Variants in AHI1 observed in about 807,000 individuals in gnomAD.
AHI1 encodes the protein Abelson helper integration site 1.
In AHI1, 123 loss-of-function variants were observed where a neutral mutation model predicts 149.3. That is an observed-to-expected ratio of 0.82 (90% CI 0.71 to 0.96). The LOEUF is 0.96. Among genes scored for constraint, AHI1 ranks in the 40% least tolerant of loss-of-function variants. The pLI, the probability that AHI1 is intolerant of heterozygous loss-of-function variation, is 0.00. For synonymous variants in AHI1, 475 were observed against 459.8 expected, an observed-to-expected ratio of 1.03 and a Z score of -0.42; for missense variants, 1,439 against 1,422.7, an observed-to-expected ratio of 1.01 and a Z score of -0.18.
At chr6:135,393,902 A>C (rs112274070) in intron 23 of AHI1, among the ~76,000 whole-genome samples, 9 of 152,208 alleles carry the variant, frequency 5.9e-5, no homozygotes, top group South Asian at 2.1e-4. Flanking sequence ...AGGGTTGAGC[A>C]TAAGAGTTGT....
At chr6:135,302,833 C>G (rs1377451879) in intron 26 of AHI1, 1 of 1,288,582 alleles carries the variant, frequency 7.8e-7, no homozygotes, top group East Asian at 5.6e-5. Flanking sequence ...AACGAAAAAG[C>G]CCCCAAGGCT....
At chr6:135,324,551 CAT>C (rs3071751) in intron 24 of AHI1, among the ~76,000 whole-genome samples, 1,669 of 144,710 alleles carry the variant, frequency 0.012, 14 homozygotes, top group African/African-American at 0.03. Flanking sequence ...GTTATATATA[CAT>C]ATATATATAT....
chr6:135,371,942 T>A (rs1050370776), intron 23 of AHI1, among the ~76,000 whole-genome samples: 2 of 152,228 alleles, frequency 1.3e-5, no homozygotes, highest in Admixed American at 1.3e-4. Context: ...CAGCAGAAGC[T>A]ATAAATCCCC....
rs538504347 is a variant in AHI1 at position 135,376,961 on chromosome 6, C to A, written c.3109+17815G>T. Among the ~76,000 whole-genome samples, 21 of 120,846 alleles carry A rather than the reference C, an allele frequency of 1.7e-4. 1 individual carries two copies. The Admixed American group carries it at 1.8e-3, about 10-fold the overall frequency. 79.3% of individuals were successfully genotyped at this position (120,846 alleles called of 152,430 possible). ...ACTCAAAAGTCAATGTCATAACAAC[C>A]AAAGAAAGATTCTAGATTAACTGAT... is the stretch of plus-strand genomic sequence containing the variant. On this transcript the variant is annotated intron_variant, in intron 23 of 28. Transcript: ENST00000265602.
rs367875262 is a variant in AHI1 at position 135,427,170 on chromosome 6, G to A, written c.2761C>T (p.His921Tyr). 3.4e-5 allele frequency: 54 copies of A among 1,608,994 alleles called. No homozygotes were observed. Among genetic ancestry groups the A allele is most frequent in the Non-Finnish European group, 3.2e-5 (38 of 1,176,936 alleles). The change falls in exon 20 of 29, where the codon CAT (histidine) becomes TAT (tyrosine). Residue 921 changes from histidine (H) to tyrosine (Y), a missense_variant. By Grantham distance (83) the His-to-Tyr change is moderately conservative (BLOSUM62 2). Coordinates refer to ENST00000265602, the MANE Select transcript of AHI1 (RefSeq NM_001134831.2). ...EPILLYIYDF[H>Y]VAQQEAEMFK... ...ACTTATCAAGTGGTAGACTTACCAT[G>A]GAAATCGTAAATATACAGAAGAATT...
intron 6 of AHI1, 36 bp from the exon 7 acceptor site, chr6:135,466,409 AC>A (rs778849099): frequency 6.5e-7 from 1 of 1,540,184 alleles, no homozygotes; most frequent in South Asian, 1.2e-5. Context: ...AGTTTCAGTT[AC>A]ACATAGATTA....
intron 5 of AHI1, among the ~76,000 whole-genome samples, chr6:135,487,179 A>T (rs1794597563): frequency 6.6e-6 from 1 of 152,128 alleles, no homozygotes. Context: ...ATTTCATTAC[A>T]TTCTTTTAAA....
intron 20 of AHI1, among the ~76,000 whole-genome samples, chr6:135,421,881 C>T (rs566784532): frequency 1.1e-4 from 17 of 152,084 alleles, no homozygotes; most frequent in Non-Finnish European, 2.2e-4. Context: ...TTTAATTTCT[C>T]CTACCAGGCT....
At position 135,429,942 on chromosome 6, in the gene AHI1, T is replaced by C. The variant is rs375584168; in HGVS notation, c.2432A>G (p.Asn811Ser). The C allele has an allele frequency of 2.4e-5, 38 of 1,591,292 alleles. No homozygotes were observed. The highest frequency in any genetic ancestry group is 2.8e-5 in the Non-Finnish European group (33 of 1,167,416). Reference sequence around the variant, plus strand: ...GGTATGGATTAACAAACGTTTTCCATTGGGATGAATCTCCAAATAACTTAT... The same window carrying C: ...GGTATGGATTAACAAACGTTTTCCACTGGGATGAATCTCCAAATAACTTAT... ...IPISYLEIHP[N>S]GKRLLIHTKD... The change falls in exon 18 of 29, where the codon AAT becomes AGT. Residue 811 changes from asparagine (N) to serine (S), a missense_variant. Coordinates refer to ENST00000265602, the MANE Select transcript of AHI1 (RefSeq NM_001134831.2).
chr6:135,415,930 C>G (rs559961197), intron 20 of AHI1, among the ~76,000 whole-genome samples: 1 of 152,228 alleles, frequency 6.6e-6, no homozygotes, highest in South Asian at 2.1e-4. Context: ...TACAGTTTCA[C>G]TTATATACAA....
At chr6:135,325,174 C>T (rs1787470025) in intron 24 of AHI1, among the ~76,000 whole-genome samples, 1 of 151,968 alleles carries the variant, frequency 6.6e-6, no homozygotes, top group Non-Finnish European at 1.5e-5. Flanking sequence ...TTACAGGCGC[C>T]CACCACCGCG....
intron 5 of AHI1, chr6:135,490,359 G>A (rs1400500868): frequency 1.5e-6 from 1 of 655,156 alleles, no homozygotes; most frequent in East Asian, 2.7e-5. Context: ...ATCATGGCTA[G>A]TTTTGAGTTT....
chr6:135,459,182 A>G (rs78595837), intron 8 of AHI1, among the ~76,000 whole-genome samples: 3,656 of 152,286 alleles, frequency 0.024, 63 homozygotes, highest in East Asian at 0.054. Flanking sequence ...ATCATTCATA[A>G]TATGTTATCT....
intron 23 of AHI1, among the ~76,000 whole-genome samples, chr6:135,385,214 G>A (rs1777415201): frequency 6.6e-6 from 1 of 152,182 alleles, no homozygotes. Flanking sequence ...AGAGGTATGG[G>A]TTGAAGATAA....
At chr6:135,319,598 T>C (rs949215027) in intron 25 of AHI1, among the ~76,000 whole-genome samples, 1 of 152,250 alleles carries the variant, frequency 6.6e-6, no homozygotes, top group South Asian at 2.1e-4. Flanking sequence ...CAATATTCTA[T>C]ATAATCTATT....
At chr6:135,481,591 T>A (rs1189994814) in intron 5 of AHI1, among the ~76,000 whole-genome samples, 2 of 151,908 alleles carry the variant, frequency 1.3e-5, no homozygotes, top group African/African-American at 4.8e-5. Context: ...CTTGCTTTTA[T>A]AAAATATCTT....
At chr6:135,411,607 CT>C in intron 20 of AHI1, 63 bp from the exon 21 acceptor site, 1 of 1,339,478 alleles carries the variant, frequency 7.5e-7, no homozygotes, top group Non-Finnish European at 9.9e-7. Context: ...AGCCCTAAAA[CT>C]GTAGCATTCA....
At chr6:135,438,539 TC>T in intron 14 of AHI1, 41 bp from the exon 15 acceptor site, 1 of 1,461,538 alleles carries the variant, frequency 6.8e-7, no homozygotes, top group Non-Finnish European at 9.2e-7. Context: ...AGACAGAAGA[TC>T]CTTAATCCAA....
intron 21 of AHI1, among the ~76,000 whole-genome samples, chr6:135,405,588 G>A (rs936624648): frequency 1.3e-5 from 2 of 152,016 alleles, no homozygotes; most frequent in African/African-American, 4.8e-5. Context: ...GGCCGGGTAC[G>A]GTGGCTCACG....
Sources: gnomAD v4.1 joint callset for allele counts (sites outside exome capture counted in the v4.1 genomes callset) on GRCh38, gnomAD v4.1.1 for gene constraint, MANE v1.5 for transcripts, NCBI Gene and HGNC (gene_info 2026-07-23, HGNC 2026-07-21) for gene names.